The following KCNIP4 variants were observed in gnomAD, a reference collection of about 807,000 sequenced individuals.
KCNIP4 encodes potassium voltage-gated channel interacting protein 4, also known as Kv channel-interacting protein 4.
Under a neutral mutation model 34.0 loss-of-function variants are expected in KCNIP4, and 12 were observed. That is an observed-to-expected ratio of 0.35 (90% confidence interval 0.23 to 0.57). The LOEUF is 0.57. KCNIP4 is among the 20% of genes least tolerant of loss of function. The pLI is 0.83. For missense variants in KCNIP4, 238 were observed against 311.7 expected (o/e 0.76, Z 1.78); for synonymous variants, 124 against 102.2 (o/e 1.21, Z -1.29).
At chr4:21,881,402 C>G (rs1726452530) in intron 1 of KCNIP4, among the ~76,000 whole-genome samples, 1 of 151,994 alleles carries the variant, frequency 6.6e-6, no homozygotes, top group African/African-American at 2.4e-5. Context: ...AAATAGTACC[C>G]TAGGATAAAA....
intron 1 of KCNIP4, among the ~76,000 whole-genome samples, chr4:21,602,485 C>G (rs115063712): frequency 3.0e-4 from 46 of 152,108 alleles, no homozygotes; most frequent in Middle Eastern, 3.4e-3. Flanking sequence ...AGTGATGGAG[C>G]CTTAAGACTA....
chr4:21,746,293 C>A (rs562046177), intron 1 of KCNIP4, among the ~76,000 whole-genome samples: 1 of 152,200 alleles, frequency 6.6e-6, no homozygotes, highest in South Asian at 2.1e-4. Context: ...CATAACAAAC[C>A]ATAAACAATT....
chr4:21,530,723 T>G (rs1736605279), intron 1 of KCNIP4, among the ~76,000 whole-genome samples: 1 of 149,804 alleles, frequency 6.7e-6, no homozygotes, highest in Non-Finnish European at 1.5e-5. Context: ...AATAAGTATA[T>G]TAATTTATTT....
At chr4:21,616,426 G>C (rs989275008) in intron 1 of KCNIP4, among the ~76,000 whole-genome samples, 1 of 152,112 alleles carries the variant, frequency 6.6e-6, no homozygotes, top group Admixed American at 6.5e-5. Flanking sequence ...AGAAGTCTTT[G>C]TCTGAATTGT....
intron 1 of KCNIP4, among the ~76,000 whole-genome samples, chr4:20,929,453 G>C (rs1197923010): frequency 1.3e-5 from 2 of 152,116 alleles, no homozygotes; most frequent in Admixed American, 1.3e-4. Flanking sequence ...ACAGTTGAAA[G>C]CTTTTTCACT....
intron 1 of KCNIP4, among the ~76,000 whole-genome samples, chr4:21,101,671 C>T (rs1560787): frequency 0.46 from 69,250 of 151,834 alleles, 16,412 homozygotes; most frequent in African/African-American, 0.59. Context: ...TATTAGTGTG[C>T]GGTAAGAGCT....
chr4:21,669,655 T>C (rs1357453425), intron 1 of KCNIP4, among the ~76,000 whole-genome samples: 1 of 152,148 alleles, frequency 6.6e-6, no homozygotes, highest in Non-Finnish European at 1.5e-5. Context: ...ATAGAGCAGA[T>C]AATGCAAAGT....
At chr4:21,276,817 G>T (rs1762472818) in intron 1 of KCNIP4, among the ~76,000 whole-genome samples, 1 of 152,114 alleles carries the variant, frequency 6.6e-6, no homozygotes, top group African/African-American at 2.4e-5. Flanking sequence ...GGTCTGCTAA[G>T]GAGCTCTGAG....
intron 1 of KCNIP4, among the ~76,000 whole-genome samples, chr4:21,047,973 G>T (rs1475144286): frequency 6.6e-6 from 1 of 152,146 alleles, no homozygotes; most frequent in African/African-American, 2.4e-5. Context: ...AGGGGGCCTA[G>T]TTATATGGTG....
intron 1 of KCNIP4, among the ~76,000 whole-genome samples, chr4:21,587,783 AG>A (rs1406165808): frequency 6.6e-6 from 1 of 152,030 alleles, no homozygotes; most frequent in African/African-American, 2.4e-5. Flanking sequence ...AGTTGGAGAA[AG>A]GGTACAGAAA....
intron 1 of KCNIP4, among the ~76,000 whole-genome samples, chr4:21,303,531 G>A (rs1422630057): frequency 6.6e-6 from 1 of 152,120 alleles, no homozygotes; most frequent in Non-Finnish European, 1.5e-5. Context: ...TAAGCAGGTA[G>A]ATCCATTACA....
chr4:21,014,340 A>C (rs564951667), intron 1 of KCNIP4, among the ~76,000 whole-genome samples: 1 of 152,174 alleles, frequency 6.6e-6, no homozygotes, highest in South Asian at 2.1e-4. Flanking sequence ...AGTCCTTTTC[A>C]CATTCCCCCA....
intron 1 of KCNIP4, among the ~76,000 whole-genome samples, chr4:21,047,541 T>C (rs1333678774): frequency 6.6e-6 from 1 of 152,168 alleles, no homozygotes; most frequent in African/African-American, 2.4e-5. Flanking sequence ...GTGAGTCTCA[T>C]TTACATAAAT....
At chr4:21,182,273 C>T (rs144589775) in intron 1 of KCNIP4, among the ~76,000 whole-genome samples, 18 of 152,200 alleles carry the variant, frequency 1.2e-4, no homozygotes, top group Middle Eastern at 3.4e-3. Context: ...ATGATGCACA[C>T]GATCATATCA....
intron 1 of KCNIP4, among the ~76,000 whole-genome samples, chr4:21,384,224 T>C (rs1721807329): frequency 6.6e-6 from 1 of 152,226 alleles, no homozygotes; most frequent in African/African-American, 2.4e-5. Context: ...TCATTTATTT[T>C]TTATGTTAAA....
At chr4:21,654,886 T>G (rs1435927297) in intron 1 of KCNIP4, among the ~76,000 whole-genome samples, 1 of 151,810 alleles carries the variant, frequency 6.6e-6, no homozygotes, top group East Asian at 1.9e-4. Flanking sequence ...ATCGCGCCAC[T>G]GCACTCCAGC....
intron 3 of KCNIP4, among the ~76,000 whole-genome samples, chr4:20,841,931 G>A (rs1416901112): frequency 6.6e-6 from 1 of 151,896 alleles, no homozygotes; most frequent in African/African-American, 2.4e-5. Flanking sequence ...CCATGGCCGT[G>A]CCCTTCTTGA....
At chr4:20,793,692 A>G (rs1177768510) in intron 3 of KCNIP4, among the ~76,000 whole-genome samples, 1 of 152,082 alleles carries the variant, frequency 6.6e-6, no homozygotes, top group East Asian at 1.9e-4. Flanking sequence ...ATTACATTGT[A>G]ATATATAATG....
intron 1 of KCNIP4, among the ~76,000 whole-genome samples, chr4:20,991,513 A>G (rs1333781906): frequency 6.6e-6 from 1 of 152,200 alleles, no homozygotes; most frequent in Non-Finnish European, 1.5e-5. Flanking sequence ...GAGGATACAT[A>G]GATGAATGGG....
Sources: allele counts gnomAD v4.1 joint callset (sites outside exome capture counted in the v4.1 genomes callset), GRCh38; gene constraint gnomAD v4.1.1; transcripts MANE v1.5; gene names NCBI Gene and HGNC (gene_info 2026-07-23, HGNC 2026-07-21).